Variants in SLC9A9 observed in about 807,000 individuals in gnomAD.
The protein encoded by SLC9A9 is sodium/hydrogen exchanger 9.
A neutral mutation model predicts 77.8 loss-of-function variants in SLC9A9; 62 were observed. The ratio of observed to expected loss-of-function variants is 0.80; its 90% CI spans 0.65 to 0.98. The LOEUF (loss-of-function observed/expected upper bound fraction) is 0.98. SLC9A9 is among the 50% of genes least tolerant of loss of function. SLC9A9 has a pLI of 0.00. For missense variants in SLC9A9, 775 were observed against 774.9 expected (o/e 1.00, Z 0.00); for synonymous variants, 320 against 283.5 (o/e 1.13, Z -1.29).
chr3:143,713,597 C>A (rs1011296206), intron 4 of SLC9A9, among the ~76,000 whole-genome samples: 3 of 152,148 alleles, frequency 2.0e-5, no homozygotes, highest in African/African-American at 7.2e-5. Context: ...AGTAGTGAGC[C>A]TCCTTCCCTG....
rs544540650 is a variant in SLC9A9 at position 143,266,277 on chromosome 3, G to A, written c.*425C>T. ...TAGCTGGGCATTCCCTTCAGCTTAGGAGCAAAATGTTTACTCTCAGAAGCT... is the reference window on the plus strand; with the variant it reads ...TAGCTGGGCATTCCCTTCAGCTTAGAAGCAAAATGTTTACTCTCAGAAGCT... On this transcript the variant is annotated 3_prime_UTR_variant, in exon 16 of 16. Coordinates refer to ENST00000316549, the MANE Select transcript of SLC9A9 (RefSeq NM_173653.4). 2 of 593,426 alleles carry A rather than the reference G, an allele frequency of 3.4e-6. No individual in the cohort carries two copies. The highest frequency in any genetic ancestry group is 1.9e-5 in the African/African-American group (1 of 53,694). The allele number at this position is 593,426 out of a possible 1,614,324, so 36.8% of individuals were successfully genotyped here. A position where few individuals can be genotyped will look rare whatever the true frequency, so the allele number is the denominator to read the frequency against.
At chr3:143,538,091 G>T (rs1310549704) in intron 9 of SLC9A9, among the ~76,000 whole-genome samples, 2 of 152,204 alleles carry the variant, frequency 1.3e-5, no homozygotes, top group Non-Finnish European at 2.9e-5. Flanking sequence ...CTAGAACATA[G>T]GGAATATCCT....
intron 12 of SLC9A9, among the ~76,000 whole-genome samples, chr3:143,393,244 GTCTA>G (rs2033615595): frequency 6.6e-6 from 1 of 151,922 alleles, no homozygotes; most frequent in Non-Finnish European, 1.5e-5. Flanking sequence ...ATAACAAACT[GTCTA>G]TCAGTTTGAC....
intron 4 of SLC9A9, among the ~76,000 whole-genome samples, chr3:143,744,004 T>G (rs1396049790): frequency 6.6e-6 from 1 of 152,178 alleles, no homozygotes; most frequent in Non-Finnish European, 1.5e-5. Context: ...AAACTTCTGC[T>G]TTTATGATTC....
intron 11 of SLC9A9, among the ~76,000 whole-genome samples, chr3:143,483,193 G>A (rs1463529453): frequency 1.3e-5 from 2 of 152,158 alleles, no homozygotes; most frequent in African/African-American, 2.4e-5. Context: ...GTGTGTAGAC[G>A]ATTAGTCTAC....
At chr3:143,384,016 T>C (rs2033362960) in intron 12 of SLC9A9, among the ~76,000 whole-genome samples, 1 of 152,220 alleles carries the variant, frequency 6.6e-6, no homozygotes, top group Admixed American at 6.5e-5. Context: ...TAGCTATTTA[T>C]TTTGTGCTGA....
intron 9 of SLC9A9, chr3:143,503,543 C>G (rs918151118): frequency 1.7e-5 from 7 of 402,586 alleles, no homozygotes; most frequent in Middle Eastern, 8.4e-4. Flanking sequence ...GATGGCAGGT[C>G]AGGTCTGTGA....
At chr3:143,560,614 T>C (rs1256207782) in intron 8 of SLC9A9, among the ~76,000 whole-genome samples, 1 of 152,116 alleles carries the variant, frequency 6.6e-6, no homozygotes, top group Non-Finnish European at 1.5e-5. Context: ...TTTTTTTTAC[T>C]TTACTTTAAA....
At chr3:143,380,331 A>G (rs887957655) in intron 13 of SLC9A9, among the ~76,000 whole-genome samples, 2 of 152,252 alleles carry the variant, frequency 1.3e-5, no homozygotes, top group African/African-American at 2.4e-5. Flanking sequence ...ATTTTTACCA[A>G]TAACAGTATA....
intron 12 of SLC9A9, among the ~76,000 whole-genome samples, chr3:143,427,068 C>G (rs1332727561): frequency 6.6e-6 from 1 of 152,158 alleles, no homozygotes; most frequent in East Asian, 1.9e-4. Context: ...AAAAACAACT[C>G]ATGAAAACAA....
intron 14 of SLC9A9, among the ~76,000 whole-genome samples, chr3:143,307,883 A>T (rs1368748043): frequency 6.6e-6 from 1 of 152,134 alleles, no homozygotes; most frequent in African/African-American, 2.4e-5. Flanking sequence ...TAACCAAATC[A>T]ACCCAGTTTG....
intron 14 of SLC9A9, among the ~76,000 whole-genome samples, chr3:143,325,283 C>T (rs1459259673): frequency 1.3e-5 from 2 of 152,168 alleles, no homozygotes; most frequent in African/African-American, 4.8e-5. Context: ...GTAAAACACC[C>T]AACACAGTCC....
In SLC9A9 at chr3:143,441,886, C is replaced by CCACT. The variant is rs1174481904; in HGVS notation, c.1469+25150_1469+25151insAGTG. On this transcript the variant is annotated intron_variant, in intron 12 of 15. Transcript: ENST00000316549. ...TCCATCCATCCATCCATCCACTCAT[C>CCACT]CATCCATCTCTACTCATCCATCCAT... 3.4e-4 allele frequency among the ~76,000 whole-genome samples: 51 copies of CCACT among 151,950 alleles called. 1 individual carries two copies. Among genetic ancestry groups the CCACT allele is most frequent in the Admixed American group, 6.5e-4 (10 of 15,272 alleles).
At chr3:143,583,716 C>T (rs1325045770) in intron 6 of SLC9A9, among the ~76,000 whole-genome samples, 6 of 152,156 alleles carry the variant, frequency 3.9e-5, no homozygotes, top group Admixed American at 1.3e-4. Context: ...GTGTGTCTCA[C>T]CCAGTAAGAA....
chr3:143,581,660 A>G (rs1268332885), intron 6 of SLC9A9, among the ~76,000 whole-genome samples: 1 of 152,210 alleles, frequency 6.6e-6, no homozygotes, highest in East Asian at 1.9e-4. Flanking sequence ...TAAAAAGGCG[A>G]TCATGTTGTG....
At chr3:143,664,238 T>A (rs918618827) in intron 5 of SLC9A9, among the ~76,000 whole-genome samples, 17 of 152,122 alleles carry the variant, frequency 1.1e-4, no homozygotes, top group African/African-American at 2.4e-5. Context: ...CCAAGCTTCA[T>A]AAGTGAAGGA....
intron 6 of SLC9A9, among the ~76,000 whole-genome samples, chr3:143,635,888 G>T (rs1274037546): frequency 1.3e-5 from 2 of 152,130 alleles, no homozygotes; most frequent in African/African-American, 2.4e-5. Context: ...TTTATAGTTT[G>T]GAGTTGTGAA....
chr3:143,632,250 T>C (rs1419245017), intron 6 of SLC9A9, among the ~76,000 whole-genome samples: 1 of 152,124 alleles, frequency 6.6e-6, no homozygotes. Context: ...TGGAGGCAGA[T>C]GACTTAGAGG....
intron 4 of SLC9A9, among the ~76,000 whole-genome samples, chr3:143,715,269 C>T (rs1934307699): frequency 6.6e-6 from 1 of 152,190 alleles, no homozygotes; most frequent in South Asian, 2.1e-4. Context: ...GCCACTGCTC[C>T]AATCAGGTGG....
Sources: allele counts gnomAD v4.1 joint callset (sites outside exome capture counted in the v4.1 genomes callset), GRCh38; gene constraint gnomAD v4.1.1; transcripts MANE v1.5; gene names NCBI Gene and HGNC (gene_info 2026-07-23, HGNC 2026-07-21).